SLC44A5: variants seen among roughly 807,000 people sequenced by gnomAD.
The protein encoded by SLC44A5 is choline transporter-like protein 5.
A neutral mutation model predicts 101.8 loss-of-function variants in SLC44A5; 57 were observed. That is an observed-to-expected ratio of 0.56 (90% confidence interval 0.45 to 0.70). SLC44A5 has a LOEUF of 0.70. Among genes scored for constraint, SLC44A5 ranks in the 30% least tolerant of loss-of-function variants. The pLI, the probability that SLC44A5 is intolerant of heterozygous loss-of-function variation, is 0.00. For missense variants in SLC44A5, 737 were observed against 853.1 expected (o/e 0.86, Z 1.70); for synonymous variants, 281 against 290.9 (o/e 0.97, Z 0.35).
At chr1:75,529,272 T>C (rs1218801731) in intron 2 of SLC44A5, among the ~76,000 whole-genome samples, 4 of 152,172 alleles carry the variant, frequency 2.6e-5, no homozygotes, top group African/African-American at 9.7e-5. Context: ...AGCATGTGCA[T>C]TAAAAATGGC....
chr1:75,475,674 A>G (rs1667346564), intron 2 of SLC44A5, among the ~76,000 whole-genome samples: 1 of 152,248 alleles, frequency 6.6e-6, no homozygotes, highest in African/African-American at 2.4e-5. Flanking sequence ...GAGAATACCC[A>G]TAATGGAAAC....
At chr1:75,435,134 GT>G (rs899988699) in intron 2 of SLC44A5, among the ~76,000 whole-genome samples, 8 of 152,006 alleles carry the variant, frequency 5.3e-5, no homozygotes, top group Non-Finnish European at 7.4e-5. Context: ...AGTAATTTTA[GT>G]ACTTTCCTCT....
intron 2 of SLC44A5, among the ~76,000 whole-genome samples, chr1:75,499,361 T>C (rs1481327295): frequency 1.3e-5 from 2 of 152,204 alleles, no homozygotes; most frequent in Non-Finnish European, 2.9e-5. Context: ...ACAGGGTTTG[T>C]GCTCCTATGA....
chr1:75,355,552 T>C (rs1462045043), intron 3 of SLC44A5, among the ~76,000 whole-genome samples: 1 of 152,234 alleles, frequency 6.6e-6, no homozygotes, highest in East Asian at 1.9e-4. Flanking sequence ...ATGTGAAATG[T>C]CTGACAAAGA....
intron 20 of SLC44A5, 149 bp from the exon 21 acceptor site, chr1:75,214,138 A>T (rs1646915479): frequency 3.2e-6 from 2 of 628,756 alleles, no homozygotes; most frequent in Admixed American, 6.1e-5. Flanking sequence ...TGATGGTGGA[A>T]CTCATGGATG....
chr1:75,246,774 T>A (rs919976180), intron 7 of SLC44A5, among the ~76,000 whole-genome samples: 1 of 151,960 alleles, frequency 6.6e-6, no homozygotes, highest in African/African-American at 2.4e-5. Context: ...AGACATACAG[T>A]CATCTGGAAA....
chr1:75,636,948 C>T, the SLC44A5 span, among the ~76,000 whole-genome samples: 23 of 151,876 alleles, frequency 1.5e-4, no homozygotes, highest in African/African-American at 4.4e-4. Context: ...AGAAAATGGG[C>T]ACAATTAGTA....
Position 75,219,287 on chromosome 1 carries a change from A to T in SLC44A5, c.1236T>A (p.Cys412Ter), listed in dbSNP as rs1364478363. 6.2e-7 allele frequency: 1 copy of T among 1,613,260 alleles called. No homozygotes were observed. Among genetic ancestry groups the T allele is most frequent in the South Asian group, 1.1e-5 (1 of 91,062 alleles). Residue 412 changes from cysteine (C) to a stop codon, truncating the protein, a stop_gained, in exon 16 of 24, where the codon TGT (cysteine) becomes TGA (stop). Coordinates refer to ENST00000370859, the MANE Select transcript of SLC44A5 (RefSeq NM_001130058.2). LOFTEE classifies it high-confidence loss of function. ...GGTCACAGGTTTGATTTTCATGTAT[A>T]CAATGCCCCCCTGGAGCTATGACTT... is the stretch of plus-strand genomic sequence containing the variant. ...VYKVIAPGGH[C>*]IHENQTCDPE...
rs375923536 is a variant in SLC44A5, at chr1:75,596,751, C to T, written c.-70+14289G>A. ...AGGGCTTTTGATAAAATTCAACATC[C>T]ACTCATGTTAAAAACTCTCAATAAA... On this transcript the variant is annotated intron_variant, in intron 1 of 23. Coordinates refer to ENST00000370859, the MANE Select transcript of SLC44A5 (RefSeq NM_001130058.2). Among the ~76,000 whole-genome samples, 13 of 152,220 alleles carry T rather than the reference C, an allele frequency of 8.5e-5. No individual in the cohort carries two copies. In the East Asian group the frequency reaches 2.5e-3, roughly 29 times the overall value.
chr1:75,508,761 T>C (rs1669404870), intron 2 of SLC44A5, among the ~76,000 whole-genome samples: 1 of 135,256 alleles, frequency 7.4e-6, no homozygotes, highest in Non-Finnish European at 1.6e-5. Flanking sequence ...AAATGGAGAC[T>C]TCCTTCTTTA....
the SLC44A5 span, chr1:75,641,361 C>G: frequency 1.3e-6 from 1 of 775,586 alleles, no homozygotes. Flanking sequence ...TTAGTATCGT[C>G]TCCGGGCATA....
At chr1:75,366,615 C>A (rs1309744224) in intron 3 of SLC44A5, among the ~76,000 whole-genome samples, 5 of 152,090 alleles carry the variant, frequency 3.3e-5, no homozygotes, top group African/African-American at 4.8e-5. Context: ...AACAAGCTTC[C>A]TTCCCTTTTC....
In SLC44A5 at chr1:75,217,851, C is replaced by T. The variant is rs763437191; in HGVS notation, c.1624+15G>A. ...TTTATTATCTTCACAAAAGTCAGGACATCTGAAATCTTACGTTTAAGACGG... is the reference window on the plus strand; with the variant it reads ...TTTATTATCTTCACAAAAGTCAGGATATCTGAAATCTTACGTTTAAGACGG... On this transcript the variant is annotated intron_variant, in intron 18 of 23. Transcript: ENST00000370859. 6.7e-7 allele frequency: 1 copy of T among 1,497,590 alleles called. No individual in the cohort carries two copies. The highest frequency in any genetic ancestry group is 1.7e-4 in the Middle Eastern group (1 of 5,838). The allele number at this position is 1,497,590 out of a possible 1,614,324, so 92.8% of individuals were successfully genotyped here.
chr1:75,233,669 G>T (rs192367910), intron 12 of SLC44A5, among the ~76,000 whole-genome samples: 337 of 152,156 alleles, frequency 2.2e-3, no homozygotes, highest in African/African-American at 7.8e-3. Context: ...AATAAAAGAA[G>T]TTGTCTGAAA....
At chr1:75,530,133 T>A (rs1340582438) in intron 2 of SLC44A5, among the ~76,000 whole-genome samples, 1 of 152,182 alleles carries the variant, frequency 6.6e-6, no homozygotes, top group African/African-American at 2.4e-5. Context: ...AGAAAGCCTT[T>A]GAGCATTTGG....
chr1:75,669,449 C>T, the SLC44A5 span, among the ~76,000 whole-genome samples: 1 of 152,298 alleles, frequency 6.6e-6, no homozygotes, highest in East Asian at 1.9e-4. Flanking sequence ...AGTGTATTAC[C>T]TTTAGCCAGT....
At chr1:75,614,234 A>T (rs1675772608), upstream of SLC44A5, among the ~76,000 whole-genome samples, 1 of 152,222 alleles carries the variant, frequency 6.6e-6, no homozygotes, top group East Asian at 1.9e-4. Context: ...ATCTGTTTGT[A>T]GGTGAATATA....
chr1:75,390,685 A>G (rs1661725666), intron 3 of SLC44A5, among the ~76,000 whole-genome samples: 1 of 152,066 alleles, frequency 6.6e-6, no homozygotes, highest in South Asian at 2.1e-4. Context: ...AGCATTAAAG[A>G]AGCATACCTC....
the SLC44A5 span, among the ~76,000 whole-genome samples, chr1:75,697,585 G>A: frequency 3.3e-5 from 5 of 152,138 alleles, no homozygotes; most frequent in South Asian, 2.1e-4. Flanking sequence ...TTAGGAGTTC[G>A]AGACCAGCCT....
Sources: allele counts gnomAD v4.1 joint callset (sites outside exome capture counted in the v4.1 genomes callset), GRCh38; gene constraint gnomAD v4.1.1; transcripts MANE v1.5; gene names NCBI Gene and HGNC (gene_info 2026-07-23, HGNC 2026-07-21).